Variants in FRMPD1 observed in about 807,000 individuals in gnomAD.
The protein encoded by FRMPD1 is FERM and PDZ domain-containing protein 1.
A neutral mutation model predicts 117.8 loss-of-function variants in FRMPD1; 76 were observed. The ratio of observed to expected loss-of-function variants is 0.65; its 90% CI spans 0.54 to 0.78. The LOEUF is 0.78. Among genes scored for constraint, FRMPD1 ranks in the 30% least tolerant of loss-of-function variants. The pLI is 0.00. For synonymous variants in FRMPD1, 783 were observed against 770.4 expected, an observed-to-expected ratio of 1.02 and a Z score of -0.27; for missense variants, 1,786 against 1,964.5, an observed-to-expected ratio of 0.91 and a Z score of 1.72.
At chr9:37,648,057 C>T (rs1588896862), upstream of FRMPD1, among the ~76,000 whole-genome samples, 1 of 152,158 alleles carries the variant, frequency 6.6e-6, no homozygotes, top group Middle Eastern at 3.4e-3. Context: ...AGAAGCATTC[C>T]TAATAGTGCT....
At chr9:37,688,927 ATTCC>A (rs1822040115) in intron 1 of FRMPD1, among the ~76,000 whole-genome samples, 1 of 152,076 alleles carries the variant, frequency 6.6e-6, no homozygotes, top group Non-Finnish European at 1.5e-5. Context: ...AGAAGAATAT[ATTCC>A]TTCGGTTTTT....
the FRMPD1 span, among the ~76,000 whole-genome samples, chr9:37,612,515 ATTTTT>A: frequency 1.5e-4 from 14 of 92,072 alleles, no homozygotes; most frequent in African/African-American, 4.8e-4. Flanking sequence ...TGCCCAGCTA[ATTTTT>A]TTTTTTTTTT....
At chr9:37,651,679 G>A (rs992137942) in intron 1 of FRMPD1, among the ~76,000 whole-genome samples, 1 of 152,244 alleles carries the variant, frequency 6.6e-6, no homozygotes, top group Non-Finnish European at 1.5e-5. Flanking sequence ...GTCAGCCTCG[G>A]GAAGCAGGGG....
the FRMPD1 span, among the ~76,000 whole-genome samples, chr9:37,628,308 T>C: frequency 6.6e-5 from 10 of 152,250 alleles, no homozygotes; most frequent in Non-Finnish European, 1.2e-4. Flanking sequence ...GATGAGGCAG[T>C]AGCAGGATGG....
the FRMPD1 span, among the ~76,000 whole-genome samples, chr9:37,623,005 A>G: frequency 3.3e-5 from 5 of 152,236 alleles, no homozygotes; most frequent in African/African-American, 1.2e-4. Flanking sequence ...TGATAAAATA[A>G]TATATATTCA....
Position 37,740,944 on chromosome 9 carries a change from A to G in FRMPD1, c.2356+60A>G, listed in dbSNP as rs28478395. On this transcript the variant is annotated intron_variant, in intron 15 of 15. Transcript: ENST00000377765. This position sits in a 1 kb window ranked among gnomAD's most constrained non-coding sequence, Gnocchi z 4.2. ...GGCAGCTCCTGAGTGCCTCCCGGGG[A>G]TCAAGGCCTGGGGCCAAGCTTGAGA... is the stretch of plus-strand genomic sequence containing the variant. 9.5e-3 allele frequency: 12,722 copies of G among 1,332,932 alleles called. 931 individuals carry two copies. In the African/African-American group the frequency reaches 0.16, roughly 17 times the overall value. The allele number at this position is 1,332,932 out of a possible 1,614,324, so 82.6% of individuals were successfully genotyped here. A position where few individuals can be genotyped will look rare whatever the true frequency, so the allele number is the denominator to read the frequency against.
chr9:37,618,822 G>T, the FRMPD1 span, among the ~76,000 whole-genome samples: 1 of 152,110 alleles, frequency 6.6e-6, no homozygotes, highest in Non-Finnish European at 1.5e-5. Context: ...ACCTTTCAAA[G>T]CTCCTCTCAA....
Position 37,663,831 on chromosome 9 carries a change from T to C in FRMPD1, c.-5+12737T>C, listed in dbSNP as rs541590253. 5.0e-4 allele frequency among the ~76,000 whole-genome samples: 76 copies of C among 152,348 alleles called. No homozygotes were observed. The South Asian group carries it at 9.5e-3, about 19-fold the overall frequency. On this transcript the variant is annotated intron_variant, in intron 1 of 15. Coordinates refer to ENST00000377765, the MANE Select transcript of FRMPD1 (RefSeq NM_014907.3). ...TACTTCAGATTATCTCCAGGTTACT[T>C]ATAATACCTAATAGAGTGTAAATGC...
At chr9:37,614,374 G>A in the FRMPD1 span, among the ~76,000 whole-genome samples, 2 of 152,226 alleles carry the variant, frequency 1.3e-5, no homozygotes, top group Non-Finnish European at 2.9e-5. Context: ...AATGAGACAG[G>A]CAGGATGAAG....
rs74171518 is a variant in FRMPD1 at position 37,695,006 on chromosome 9, AATAGATAG to A, written c.101+2300_101+2307del. ...GGGTTGATATATAAAGCCAAATAAG[AATAGATAG>A]ATAGATAGATAGATAGATAGATAGA... is the stretch of plus-strand genomic sequence containing the variant. On this transcript the variant is annotated intron_variant, in intron 2 of 15. Coordinates refer to ENST00000377765, the MANE Select transcript of FRMPD1 (RefSeq NM_014907.3). Among the ~76,000 whole-genome samples, 1,259 of 150,914 alleles carry A rather than the reference AATAGATAG, an allele frequency of 8.3e-3. 14 individuals are homozygous for A. The highest frequency in any genetic ancestry group is 0.024 in the African/African-American group (970 of 41,126).
chr9:37,703,855 T>C (rs139181451), intron 2 of FRMPD1, among the ~76,000 whole-genome samples: 1 of 152,378 alleles, frequency 6.6e-6, no homozygotes, highest in Non-Finnish European at 1.5e-5. Flanking sequence ...TCCTTTTTAT[T>C]GCCAAATATT....
chr9:37,625,480 C>T, the FRMPD1 span, among the ~76,000 whole-genome samples: 1 of 152,208 alleles, frequency 6.6e-6, no homozygotes, highest in South Asian at 2.1e-4. Flanking sequence ...CATAGGTGGA[C>T]GCGCAGGAGT....
At chr9:37,637,963 G>GCTTGCTTTCTTTCTTT in the FRMPD1 span, among the ~76,000 whole-genome samples, 24 of 100,030 alleles carry the variant, frequency 2.4e-4, 5 homozygotes, top group East Asian at 5.0e-4. Context: ...AATGGTGTAT[G>GCTTGCTTTCTTTCTTT]CTTTCTTTCT....
At position 37,746,779 on chromosome 9, in the gene FRMPD1, C is replaced by T. The variant is rs375475155; in HGVS notation, c.*10C>T. On this transcript the variant is annotated 3_prime_UTR_variant, in exon 16 of 16. Transcript: ENST00000377765. ...ATCCACGGCCCTGTAAACAGGTCAA[C>T]GGCCCAAGGGCCTCCTGCCCTGTCC... 1.4e-5 allele frequency: 23 copies of T among 1,600,222 alleles called. No homozygotes were observed. The African/African-American group carries it at 1.7e-4, about 12-fold the overall frequency.
the FRMPD1 span, among the ~76,000 whole-genome samples, chr9:37,608,575 T>G: frequency 6.6e-5 from 10 of 152,174 alleles, no homozygotes; most frequent in South Asian, 2.1e-3. Context: ...ACTCCTGGGC[T>G]CAAGTGATCT....
At chr9:37,680,610 C>A (rs1159000702) in intron 1 of FRMPD1, among the ~76,000 whole-genome samples, 3 of 152,064 alleles carry the variant, frequency 2.0e-5, no homozygotes, top group Non-Finnish European at 4.4e-5. Flanking sequence ...TGATGGGGGT[C>A]CAGGGTGCTT....
chr9:37,616,516 A>T, the FRMPD1 span, among the ~76,000 whole-genome samples: 1 of 152,196 alleles, frequency 6.6e-6, no homozygotes, highest in Non-Finnish European at 1.5e-5. Flanking sequence ...GTAGAGACAG[A>T]TCTCAGAGCC....
At chr9:37,744,020 C>G (rs528464197) in intron 15 of FRMPD1, among the ~76,000 whole-genome samples, 2 of 152,104 alleles carry the variant, frequency 1.3e-5, no homozygotes, top group East Asian at 3.9e-4. Context: ...GAAACCCCAT[C>G]TCTACTAAAA....
the FRMPD1 span, among the ~76,000 whole-genome samples, chr9:37,642,254 CATG>C: frequency 6.6e-6 from 1 of 152,200 alleles, no homozygotes; most frequent in East Asian, 1.9e-4. Flanking sequence ...AAAAAAGACA[CATG>C]ATACTTGCTT....
Sources: gnomAD v4.1 joint callset for allele counts (sites outside exome capture counted in the v4.1 genomes callset) on GRCh38, gnomAD v4.1.1 for gene constraint, Gnocchi (gnomAD v3.1) non-coding constraint, MANE v1.5 for transcripts, NCBI Gene and HGNC (gene_info 2026-07-23, HGNC 2026-07-21) for gene names.